Variants in CRIM1 observed in about 807,000 individuals in gnomAD.
CRIM1 encodes the protein cysteine-rich motor neuron 1 protein.
Under a neutral mutation model 116.4 loss-of-function variants are expected in CRIM1, and 32 were observed. The observed-to-expected ratio is 0.27, with a 90% confidence interval of 0.21 to 0.37. The LOEUF (loss-of-function observed/expected upper bound fraction) is 0.37. Among genes scored for constraint, CRIM1 ranks in the 10% least tolerant of loss-of-function variants. The probability of loss-of-function intolerance (pLI) is 1.00; values close to 1 mark genes in which losing one functional copy is unlikely to be tolerated. For synonymous variants in CRIM1, 590 were observed against 509.2 expected (o/e 1.16, Z -2.13); for missense variants, 1,331 against 1,354.8 (o/e 0.98, Z 0.28).
chr2:36,400,409 A>T (rs911529946), intron 2 of CRIM1, among the ~76,000 whole-genome samples: 2 of 152,160 alleles, frequency 1.3e-5, no homozygotes, highest in African/African-American at 4.8e-5. Context: ...TCTACCAATG[A>T]TGAAGATGCC....
intron 14 of CRIM1, among the ~76,000 whole-genome samples, chr2:36,539,020 T>C (rs187933993): frequency 1.3e-5 from 2 of 152,196 alleles, no homozygotes; most frequent in African/African-American, 2.4e-5. Flanking sequence ...GTGAACCAAA[T>C]AGCAGTGCAC....
intron 1 of CRIM1, among the ~76,000 whole-genome samples, chr2:36,372,218 G>A (rs953459789): frequency 2.6e-5 from 4 of 152,124 alleles, no homozygotes; most frequent in Non-Finnish European, 4.4e-5. Context: ...ACAATGGTTC[G>A]AGCAGGAATT....
intron 7 of CRIM1, among the ~76,000 whole-genome samples, chr2:36,481,729 G>T (rs1291302960): frequency 5.9e-5 from 9 of 152,134 alleles, no homozygotes; most frequent in South Asian, 2.1e-4. Context: ...TCCCCCAAGG[G>T]TATAGTTGCC....
chr2:36,517,048 T>A (rs1665076953), intron 11 of CRIM1, among the ~76,000 whole-genome samples: 1 of 152,176 alleles, frequency 6.6e-6, no homozygotes, highest in Non-Finnish European at 1.5e-5. Context: ...ATCTCTAGAG[T>A]GGGAGTCCCC....
intron 2 of CRIM1, among the ~76,000 whole-genome samples, chr2:36,404,399 G>T (rs1405048000): frequency 1.3e-5 from 2 of 152,204 alleles, no homozygotes; most frequent in African/African-American, 4.8e-5. Context: ...TAAGTAATTG[G>T]ATAGAGAGGT....
intron 2 of CRIM1, among the ~76,000 whole-genome samples, chr2:36,400,515 C>G (rs963241345): frequency 6.6e-6 from 1 of 152,050 alleles, no homozygotes; most frequent in African/African-American, 2.4e-5. Context: ...GCTTATGCTT[C>G]AAGTGGAGAA....
intron 7 of CRIM1, among the ~76,000 whole-genome samples, chr2:36,492,027 T>C (rs60970158): frequency 0.3 from 45,465 of 152,064 alleles, 7,124 homozygotes; most frequent in South Asian, 0.44. Flanking sequence ...AATTTGTCTT[T>C]TGTGGTCTTT....
intron 14 of CRIM1, among the ~76,000 whole-genome samples, chr2:36,542,932 T>C (rs762264755): frequency 2.6e-5 from 4 of 152,190 alleles, no homozygotes; most frequent in South Asian, 2.1e-4. Flanking sequence ...AATTCTGATA[T>C]GATTTTTAAA....
Position 36,356,547 on chromosome 2 carries a change from C to T in CRIM1, c.255C>T (p.Asp85=), listed in dbSNP as rs748767208. 1.2e-6 allele frequency: 2 copies of T among 1,612,758 alleles called. No individual in the cohort carries two copies. Among genetic ancestry groups the T allele is most frequent in the South Asian group, 1.1e-5 (1 of 91,078 alleles). The part of the protein sequence containing the change: ...GGTFGIYGTC[D]RGLRCVIRPP... ...CCTTCGGGATTTACGGAACCTGCGA[C>T]CGGGGGCTGCGTTGTGTCATCCGCC... Residue 85 remains aspartate (D), a synonymous_variant, in exon 1 of 17, where the codon GAC becomes GAT. Coordinates refer to ENST00000280527, the MANE Select transcript of CRIM1 (RefSeq NM_016441.3). This position sits in a 1 kb window ranked among gnomAD's most constrained non-coding sequence, Gnocchi z 4.3.
At chr2:36,477,775 A>C (rs1679096917) in intron 6 of CRIM1, among the ~76,000 whole-genome samples, 1 of 152,218 alleles carries the variant, frequency 6.6e-6, no homozygotes, top group African/African-American at 2.4e-5. Context: ...ATTTCAAAAC[A>C]GTTGCTCTGA....
At chr2:36,379,381 A>G (rs1192759938) in intron 1 of CRIM1, among the ~76,000 whole-genome samples, 1 of 152,184 alleles carries the variant, frequency 6.6e-6, no homozygotes, top group Non-Finnish European at 1.5e-5. Flanking sequence ...TCTGATCTTC[A>G]TAAAAGGAAG....
chr2:36,367,674 A>C (rs1011779077), intron 1 of CRIM1, among the ~76,000 whole-genome samples: 2 of 152,218 alleles, frequency 1.3e-5, no homozygotes, highest in Non-Finnish European at 2.9e-5. Context: ...TAGTGTCTAC[A>C]TGACTGCCAG....
chr2:36,513,695 G>C lies in CRIM1; in HGVS notation c.1920G>C (p.Leu640=), dbSNP rs749782754. ...TCAATGGACGGGAAATGTGTGCCCTGATCACCTGCCCGGTGCCTGCCTGTG... is the reference window on the plus strand; with the variant it reads ...TCAATGGACGGGAAATGTGTGCCCTCATCACCTGCCCGGTGCCTGCCTGTG... ...YCLNGREMCA[L]ITCPVPACGN... is the part of the protein sequence containing the mutation. The change falls in exon 11 of 17, where the codon CTG becomes CTC. Residue 640 remains leucine (L), a synonymous_variant. Coordinates refer to ENST00000280527, the MANE Select transcript of CRIM1 (RefSeq NM_016441.3). 1.2e-6 allele frequency: 2 copies of C among 1,614,110 alleles called. No individual in the cohort carries two copies. Among genetic ancestry groups the C allele is most frequent in the African/African-American group, 2.7e-5 (2 of 74,948 alleles).
chr2:36,365,736 G>GCT (rs1669545359), intron 1 of CRIM1, among the ~76,000 whole-genome samples: 3 of 137,624 alleles, frequency 2.2e-5, no homozygotes, highest in African/African-American at 8.1e-5. Flanking sequence ...CTATGTTTGT[G>GCT]TTTTTTTTTT....
At chr2:36,374,501 C>A (rs79879749) in intron 1 of CRIM1, among the ~76,000 whole-genome samples, 2 of 152,196 alleles carry the variant, frequency 1.3e-5, no homozygotes, top group South Asian at 2.1e-4. Context: ...TCCTTCCCCC[C>A]ACACCCATCG....
intron 1 of CRIM1, among the ~76,000 whole-genome samples, chr2:36,370,067 T>G (rs1038654292): frequency 6.6e-6 from 1 of 152,212 alleles, no homozygotes; most frequent in Non-Finnish European, 1.5e-5. Context: ...TTGTTTTACT[T>G]ACTGCATTTG....
Position 36,358,962 on chromosome 2 carries a change from C to A in CRIM1, c.331+2339C>A, listed in dbSNP as rs554420852. On this transcript the variant is annotated intron_variant, in intron 1 of 16. Transcript: ENST00000280527. Reference sequence around the variant, plus strand: ...ATGGGATAAGTGATACCCCAACCGCCCCCCGCCTGCCATTTTTAAAAAAAG... The same window carrying A: ...ATGGGATAAGTGATACCCCAACCGCACCCCGCCTGCCATTTTTAAAAAAAG... Among the ~76,000 whole-genome samples, 148 of 152,260 alleles carry A rather than the reference C, an allele frequency of 9.7e-4. 3 individuals carry two copies. The South Asian group carries it at 0.03, about 30-fold the overall frequency.
chr2:36,396,746 C>G lies in CRIM1; in HGVS notation c.464C>G (p.Pro155Arg), dbSNP rs972465471. Residue 155 changes from proline (P) to arginine (R), a missense_variant, in exon 2 of 17, where the codon CCA becomes CGA. Coordinates refer to ENST00000280527, the MANE Select transcript of CRIM1 (RefSeq NM_016441.3). ...IRTCSNPFEF[P>R]SQDMCLSALK... ...ACCTGCAGCAATCCCTTTGAGTTTC[C>G]AAGTCAGGATATGTGCCTTTCAGCT... 6.2e-7 allele frequency: 1 copy of G among 1,613,158 alleles called. No individual in the cohort carries two copies. Among genetic ancestry groups the G allele is most frequent in the Non-Finnish European group, 8.5e-7 (1 of 1,179,418 alleles).
chr2:36,403,703 G>A (rs769139016), intron 2 of CRIM1, among the ~76,000 whole-genome samples: 2 of 152,162 alleles, frequency 1.3e-5, no homozygotes, highest in East Asian at 1.9e-4. Flanking sequence ...GATAAATGCT[G>A]GAGAGGAGGT....
Sources: gnomAD v4.1 joint callset for allele counts (sites outside exome capture counted in the v4.1 genomes callset) on GRCh38, gnomAD v4.1.1 for gene constraint, Gnocchi (gnomAD v3.1) non-coding constraint, MANE v1.5 for transcripts, NCBI Gene and HGNC (gene_info 2026-07-23, HGNC 2026-07-21) for gene names.